OSBPL6: variants seen among roughly 807,000 people sequenced by gnomAD.
The protein encoded by OSBPL6 is oxysterol binding protein like 6, also known as oxysterol-binding protein-related protein 6.
A neutral mutation model predicts 125.8 loss-of-function variants in OSBPL6; 49 were observed. That is an observed-to-expected ratio of 0.39 (90% CI 0.31 to 0.49). The LOEUF is 0.49. Ranked by LOEUF, OSBPL6 falls within the 20% of genes least tolerant of loss-of-function variation. OSBPL6 has a pLI of 0.88. For synonymous variants in OSBPL6, 394 were observed against 391.8 expected (o/e 1.01, Z -0.07); for missense variants, 986 against 1,135.4 (o/e 0.87, Z 1.89).
chr2:178,306,152 T>A lies in OSBPL6; in HGVS notation c.-33T>A, dbSNP rs759846168. The A allele has an allele frequency of 1.1e-5, 15 of 1,328,772 alleles. No individual in the cohort carries two copies. In the Admixed American group the frequency reaches 2.5e-4, roughly 22 times the overall value. 82.3% of individuals were successfully genotyped at this position (1,328,772 alleles called of 1,614,324 possible). A position where few individuals can be genotyped will look rare whatever the true frequency, so the allele number is the denominator to read the frequency against. On this transcript the variant is annotated 5_prime_UTR_variant, in exon 3 of 25. Coordinates refer to ENST00000190611, the MANE Select transcript of OSBPL6 (RefSeq NM_032523.4). ...GATTTGAGAGAAGATTGGGATGGTCTTAAGTGCATAAAACGAGACTCTAAC... is the reference window on the plus strand; with the variant it reads ...GATTTGAGAGAAGATTGGGATGGTCATAAGTGCATAAAACGAGACTCTAAC...
intron 13 of OSBPL6, 142 bp from the exon 14 acceptor site, chr2:178,371,984 G>T (rs904189134): frequency 5.8e-6 from 3 of 513,434 alleles, no homozygotes; most frequent in African/African-American, 2.0e-5. Flanking sequence ...CTCCTTGCTG[G>T]TAGGGTCTGG....
intron 2 of OSBPL6, among the ~76,000 whole-genome samples, chr2:178,291,888 A>G (rs1482429773): frequency 2.0e-5 from 3 of 152,014 alleles, no homozygotes; most frequent in Non-Finnish European, 4.4e-5. Context: ...TCTCAGAGGT[A>G]GGCAATGGAA....
At chr2:178,279,913 G>A (rs1291227260) in intron 1 of OSBPL6, among the ~76,000 whole-genome samples, 2 of 152,058 alleles carry the variant, frequency 1.3e-5, no homozygotes, top group South Asian at 2.1e-4. Context: ...ATTAAAATGA[G>A]GTTGGGACAG....
At chr2:178,214,578 C>G (rs1194341661) in intron 1 of OSBPL6, among the ~76,000 whole-genome samples, 1 of 152,282 alleles carries the variant, frequency 6.6e-6, no homozygotes, top group East Asian at 1.9e-4. Context: ...AAGGCTTCAA[C>G]TGATTCAATC....
At chr2:178,282,803 C>T (rs901627826) in intron 1 of OSBPL6, among the ~76,000 whole-genome samples, 2 of 152,136 alleles carry the variant, frequency 1.3e-5, no homozygotes, top group Non-Finnish European at 2.9e-5. Context: ...AGGTGCCTGC[C>T]ACCATGCCCA....
chr2:178,237,224 G>A (rs2091090373), intron 1 of OSBPL6, among the ~76,000 whole-genome samples: 1 of 152,030 alleles, frequency 6.6e-6, no homozygotes, highest in Non-Finnish European at 1.5e-5. Context: ...ACCTCCATGG[G>A]GGCTGTTCCA....
intron 24 of OSBPL6, among the ~76,000 whole-genome samples, chr2:178,394,927 A>G (rs1695715755): frequency 6.6e-6 from 1 of 152,204 alleles, no homozygotes; most frequent in Admixed American, 6.5e-5. Context: ...TTCCAAATGC[A>G]TCTGTTGCCC....
At chr2:178,265,929 G>A (rs2092219135) in intron 1 of OSBPL6, among the ~76,000 whole-genome samples, 1 of 152,138 alleles carries the variant, frequency 6.6e-6, no homozygotes, top group African/African-American at 2.4e-5. Context: ...ATTGCAAACT[G>A]TGATAAATGC....
chr2:178,377,899 C>T (rs1471075077), intron 15 of OSBPL6, among the ~76,000 whole-genome samples: 2 of 152,074 alleles, frequency 1.3e-5, no homozygotes, highest in African/African-American at 4.8e-5. Flanking sequence ...TGCAATCTTG[C>T]CTCACTGTAA....
intron 1 of OSBPL6, among the ~76,000 whole-genome samples, chr2:178,261,422 C>T (rs947997907): frequency 2.1e-4 from 30 of 142,672 alleles, no homozygotes; most frequent in African/African-American, 7.2e-4. Flanking sequence ...GGAAGAAAAA[C>T]GTAAGAGAAC....
chr2:178,332,328 C>A (rs142701113), intron 6 of OSBPL6, among the ~76,000 whole-genome samples: 5 of 152,222 alleles, frequency 3.3e-5, no homozygotes, highest in Admixed American at 2.6e-4. Context: ...ATTTTAGGAC[C>A]GCTAAAGATG....
intron 23 of OSBPL6, 48 bp downstream of exon 23, chr2:178,392,586 T>G (rs1695502091): frequency 6.3e-7 from 1 of 1,598,984 alleles, no homozygotes; most frequent in East Asian, 2.2e-5. Flanking sequence ...CTGGGTGCAG[T>G]AGCTCATGCC....
chr2:178,249,929 C>T (rs1163047858), intron 1 of OSBPL6, among the ~76,000 whole-genome samples: 1 of 151,134 alleles, frequency 6.6e-6, no homozygotes, highest in African/African-American at 2.4e-5. Flanking sequence ...AACAAGTTAC[C>T]TAATTGCCTA....
chr2:178,332,795 G>A (rs771760560), intron 7 of OSBPL6, 41 bp downstream of exon 7: 13 of 1,611,066 alleles, frequency 8.1e-6, no homozygotes, highest in South Asian at 4.4e-5. Context: ...ATTATCAGGG[G>A]AAACGATTTG....
intron 1 of OSBPL6, among the ~76,000 whole-genome samples, chr2:178,269,584 G>T (rs768056033): frequency 6.6e-6 from 1 of 152,144 alleles, no homozygotes; most frequent in Non-Finnish European, 1.5e-5. Flanking sequence ...AATGTATAAA[G>T]ACTCTGGTCA....
At chr2:178,227,640 G>A (rs564266403) in intron 1 of OSBPL6, among the ~76,000 whole-genome samples, 4 of 152,100 alleles carry the variant, frequency 2.6e-5, no homozygotes, top group African/African-American at 7.2e-5. Flanking sequence ...ACGAAATAAC[G>A]GCAACATAGA....
Position 178,361,792 on chromosome 2 carries a change from C to A in OSBPL6, c.1264C>A (p.Arg422=). The change falls in exon 13 of 25, where the codon CGG becomes AGG. Residue 422 remains arginine, a synonymous_variant. Transcript: ENST00000190611. ...TAAAGGCCACAGCACGCAGATGGCA[C>A]GGCTCCGACAGTCACTGTCTCAGGT... ...HSKGHSTQMA[R]LRQSLSQALN... 6.2e-7 allele frequency: 1 copy of A among 1,614,092 alleles called. No individual in the cohort carries two copies. Among genetic ancestry groups the A allele is most frequent in the Non-Finnish European group, 8.5e-7 (1 of 1,179,988 alleles).
chr2:178,230,548 C>T (rs2090773861), intron 1 of OSBPL6: 2 of 152,068 alleles, frequency 1.3e-5, no homozygotes, highest in African/African-American at 2.4e-5. Flanking sequence ...GAAAGGTGCC[C>T]GAGAGAACTT....
intron 11 of OSBPL6, chr2:178,344,240 C>A: frequency 6.7e-7 from 1 of 1,497,194 alleles, no homozygotes; most frequent in Non-Finnish European, 9.3e-7. Context: ...CCATCCTTTC[C>A]TCCCCCGTCC....
Sources: gnomAD v4.1 joint callset for allele counts (sites outside exome capture counted in the v4.1 genomes callset) on GRCh38, gnomAD v4.1.1 for gene constraint, MANE v1.5 for transcripts, NCBI Gene and HGNC (gene_info 2026-07-23, HGNC 2026-07-21) for gene names.